ALPK1: variants seen among roughly 807,000 people sequenced by gnomAD.
ALPK1 encodes alpha-protein kinase 1.
A neutral mutation model predicts 120.6 loss-of-function variants in ALPK1; 110 were observed. That is an observed-to-expected ratio of 0.91 (90% CI 0.78 to 1.07). The LOEUF is 1.07. Ranked by LOEUF, ALPK1 falls within the 50% of genes least tolerant of loss-of-function variation. ALPK1 has a pLI of 0.00. For missense variants in ALPK1, 1,498 were observed against 1,483.9 expected, an observed-to-expected ratio of 1.01 and a Z score of -0.16; for synonymous variants, 582 against 560.3, an observed-to-expected ratio of 1.04 and a Z score of -0.55.
At chr4:112,417,604 G>C (rs756015665) in intron 5 of ALPK1, among the ~76,000 whole-genome samples, 1 of 152,086 alleles carries the variant, frequency 6.6e-6, no homozygotes, top group Non-Finnish European at 1.5e-5. Context: ...TCCCACTTTA[G>C]CCTTCCAAGT....
intron 2 of ALPK1, among the ~76,000 whole-genome samples, chr4:112,324,976 G>GT (rs890287208): frequency 2.7e-5 from 1 of 37,604 alleles, no homozygotes; most frequent in African/African-American, 1.0e-4. Context: ...CAAAAAAAAG[G>GT]GGGGGGGGGG....
chr4:112,364,136 G>A (rs1224163556), intron 2 of ALPK1, among the ~76,000 whole-genome samples: 1 of 151,890 alleles, frequency 6.6e-6, no homozygotes, highest in Non-Finnish European at 1.5e-5. Context: ...GCAATCTAAG[G>A]TCACGCCTCA....
At chr4:112,401,845 C>G (rs1732928069) in intron 4 of ALPK1, among the ~76,000 whole-genome samples, 1 of 152,282 alleles carries the variant, frequency 6.6e-6, no homozygotes, top group South Asian at 2.1e-4. Flanking sequence ...AAGCTTACAA[C>G]TATTTTTCAG....
At chr4:112,411,589 C>G in intron 4 of ALPK1, 1 of 557,840 alleles carries the variant, frequency 1.8e-6, no homozygotes, top group Non-Finnish European at 3.2e-6. Flanking sequence ...ATGCATTTAT[C>G]GCTTCTATAA....
intron 10 of ALPK1, 74 bp downstream of exon 10, chr4:112,429,327 A>C (rs1734421648): frequency 8.4e-7 from 1 of 1,196,432 alleles, no homozygotes; most frequent in South Asian, 1.4e-5. Flanking sequence ...ACCAGTGAGA[A>C]GGGAAAGGTT....
In ALPK1 at chr4:112,334,090, T is replaced by G. The variant is rs576059279; in HGVS notation, c.-101+18238T>G. On this transcript the variant is annotated intron_variant, in intron 2 of 15. Transcript: ENST00000650871. ...ACCCTCATCAAGATACAGAACAAAT[T>G]TCCCTCTAAAGCATGCTTTAGATGC... is the stretch of plus-strand genomic sequence containing the variant. Among the ~76,000 whole-genome samples, 183 of 152,266 alleles carry G rather than the reference T, an allele frequency of 1.2e-3. 1 individual carries two copies. The highest frequency in any genetic ancestry group is 4.3e-3 in the African/African-American group (180 of 41,558).
chr4:112,437,015 A>T (rs1734815866), intron 12 of ALPK1, among the ~76,000 whole-genome samples: 1 of 152,184 alleles, frequency 6.6e-6, no homozygotes, highest in Admixed American at 6.6e-5. Context: ...AATCACAGTG[A>T]ATCCTAAGGA....
intron 2 of ALPK1, among the ~76,000 whole-genome samples, chr4:112,349,467 A>AT (rs909698105): frequency 2.1e-4 from 32 of 150,956 alleles, no homozygotes; most frequent in East Asian, 5.9e-4. Flanking sequence ...GTGCTAGGCA[A>AT]TTTTTTTTGT....
At position 112,392,377 on chromosome 4, in the gene ALPK1, A is replaced by C. The variant is rs536051391; in HGVS notation, c.276+9825A>C. Among the ~76,000 whole-genome samples, 118 of 152,306 alleles carry C rather than the reference A, an allele frequency of 7.7e-4. 3 individuals are homozygous for C. The South Asian group carries it at 0.023, about 30-fold the overall frequency. ...ATATCTCATTTGTTACCAAATTCTA[A>C]TAATTTTCCTCTTAGATGTCTCTCA... On this transcript the variant is annotated intron_variant, in intron 4 of 15. Transcript: ENST00000650871.
chr4:112,382,649 C>G, intron 4 of ALPK1, 97 bp downstream of exon 4: 1 of 1,532,116 alleles, frequency 6.5e-7, no homozygotes, highest in Non-Finnish European at 9.0e-7. Context: ...AAGCACAAGA[C>G]AGCCCCCTAC....
rs533418220 is a variant in ALPK1, at chr4:112,306,223, G to T, written c.-153+8754G>T. Among the ~76,000 whole-genome samples the T allele has an allele frequency of 4.8e-3, 725 of 150,174 alleles. 12 individuals carry two copies. The highest frequency in any genetic ancestry group is 0.017 in the African/African-American group (679 of 40,776). On this transcript the variant is annotated intron_variant, in intron 1 of 15. Transcript: ENST00000650871. Reference sequence around the variant, plus strand: ...GTCTAAAATTCTCTTTTTTTGTTGTGTCTCTGCCAGGCTTTGGTATCAGGA... The same window carrying T: ...GTCTAAAATTCTCTTTTTTTGTTGTTTCTCTGCCAGGCTTTGGTATCAGGA...
intron 2 of ALPK1, among the ~76,000 whole-genome samples, chr4:112,345,615 C>T (rs1730068749): frequency 6.6e-6 from 1 of 152,068 alleles, no homozygotes; most frequent in African/African-American, 2.4e-5. Flanking sequence ...AAGACCATTC[C>T]TTTTTGTTGG....
At chr4:112,384,654 A>C (rs1411316550) in intron 4 of ALPK1, 1 of 152,184 alleles carries the variant, frequency 6.6e-6, no homozygotes, top group Non-Finnish European at 1.5e-5. Flanking sequence ...GGAGTCCAGC[A>C]ATCAGCATTA....
At position 112,307,022 on chromosome 4, in the gene ALPK1, C is replaced by G. The variant is rs908815800; in HGVS notation, c.-152-8779C>G. Among the ~76,000 whole-genome samples the G allele has an allele frequency of 2.0e-4, 31 of 152,128 alleles. 1 individual carries two copies. Among genetic ancestry groups the G allele is most frequent in the African/African-American group, 7.0e-4 (29 of 41,378 alleles). On this transcript the variant is annotated intron_variant, in intron 1 of 15. Coordinates refer to ENST00000650871, the MANE Select transcript of ALPK1 (RefSeq NM_025144.4). ...TTTCATTATGTACCCAGTAGTCATT[C>G]AAGAGCAGGTTGTTCAGTTTCCATG...
intron 2 of ALPK1, among the ~76,000 whole-genome samples, chr4:112,355,832 G>A (rs1275705051): frequency 1.3e-5 from 2 of 152,240 alleles, no homozygotes; most frequent in South Asian, 2.1e-4. Context: ...GCGCTCAACC[G>A]CAACTGCGCG....
At chr4:112,403,073 C>G (rs1176147014) in intron 4 of ALPK1, among the ~76,000 whole-genome samples, 4 of 152,020 alleles carry the variant, frequency 2.6e-5, no homozygotes, top group Non-Finnish European at 4.4e-5. Context: ...GAGAGGGGCT[C>G]TCTTTCATGG....
intron 5 of ALPK1, among the ~76,000 whole-genome samples, chr4:112,421,607 C>T (rs569949683): frequency 8.5e-5 from 13 of 152,238 alleles, no homozygotes; most frequent in South Asian, 4.2e-4. Context: ...ATACAGTAGT[C>T]CCCCCTTATT....
intron 2 of ALPK1, chr4:112,358,726 T>C: frequency 1.3e-6 from 1 of 779,686 alleles, no homozygotes; most frequent in Non-Finnish European, 2.4e-6. Flanking sequence ...AAGATCCAGC[T>C]GGTCAGCCAC....
At chr4:112,324,132 C>T (rs1470982496) in intron 2 of ALPK1, among the ~76,000 whole-genome samples, 1 of 152,112 alleles carries the variant, frequency 6.6e-6, no homozygotes, top group Non-Finnish European at 1.5e-5. Flanking sequence ...TCGAGACCAT[C>T]CTGGCTAATA....
Sources: gnomAD v4.1 joint callset for allele counts (sites outside exome capture counted in the v4.1 genomes callset) on GRCh38, gnomAD v4.1.1 for gene constraint, MANE v1.5 for transcripts, NCBI Gene and HGNC (gene_info 2026-07-23, HGNC 2026-07-21) for gene names.